Variants in CIRSR observed in about 807,000 individuals in gnomAD.
CIRSR encodes the protein corepressor of RBPJ and splicing regulator, also known as CBF1 (RBPJ) interacting corepressor 1.
the CIRSR span, among the ~76,000 whole-genome samples, chr2:174,356,604 A>AGG: frequency 0.58 from 85,681 of 147,732 alleles, 27,056 homozygotes; most frequent in East Asian, 0.8. Flanking sequence ...GGAGGGAGGG[A>AGG]AGAAGGAAGG....
the CIRSR span, chr2:174,348,934 C>T: frequency 4.8e-5 from 78 of 1,613,834 alleles, no homozygotes; most frequent in African/African-American, 8.0e-5. Context: ...TCTTCAGAAT[C>T]ACTGTTGTTA....
the CIRSR span, among the ~76,000 whole-genome samples, chr2:174,393,997 G>A: frequency 6.6e-6 from 1 of 152,072 alleles, no homozygotes; most frequent in Non-Finnish European, 1.5e-5. Flanking sequence ...CCTCTATCCT[G>A]GGAAAAGTAT....
chr2:174,381,873 G>C, the CIRSR span: 3 of 789,802 alleles, frequency 3.8e-6, no homozygotes, highest in South Asian at 6.0e-5. Flanking sequence ...AGGGAATTAA[G>C]ATAAAATATT....
the CIRSR span, among the ~76,000 whole-genome samples, chr2:174,352,420 CTTTT>C: frequency 2.0e-5 from 3 of 152,220 alleles, no homozygotes; most frequent in South Asian, 6.2e-4. Context: ...GAAAAGTGAG[CTTTT>C]TGTTTCCCAA....
the CIRSR span, among the ~76,000 whole-genome samples, chr2:174,366,319 G>A: frequency 9.9e-5 from 15 of 152,122 alleles, no homozygotes; most frequent in African/African-American, 3.4e-4. Context: ...CAAAACTAAC[G>A]ATATATACCA....
the CIRSR span, chr2:174,351,610 G>T: frequency 6.2e-7 from 1 of 1,604,668 alleles, no homozygotes; most frequent in Non-Finnish European, 8.5e-7. Flanking sequence ...CTGATAAAAA[G>T]ATCATTACCT....
At chr2:174,358,333 G>C in the CIRSR span, 1 of 152,038 alleles carries the variant, frequency 6.6e-6, no homozygotes, top group Non-Finnish European at 1.5e-5. Context: ...TCCACCTCCT[G>C]GGTTCAAGCG....
chr2:174,388,998 A>G, the CIRSR span, among the ~76,000 whole-genome samples: 1,093 of 152,306 alleles, frequency 7.2e-3, 11 homozygotes, highest in African/African-American at 0.025. Context: ...CCCTTCTGCC[A>G]TGATTGTAAG....
At chr2:174,395,660 G>A in the CIRSR span, 3 of 1,614,070 alleles carry the variant, frequency 1.9e-6, no homozygotes, top group Non-Finnish European at 2.5e-6. Flanking sequence ...GGCTAGATCT[G>A]TTAGCAACGT....
chr2:174,381,816 AC>A, the CIRSR span: 3 of 1,396,510 alleles, frequency 2.1e-6, no homozygotes, highest in Middle Eastern at 1.8e-4. Context: ...TTTATGTAGG[AC>A]AAAAAAAAAA....
chr2:174,348,295 A>C, the CIRSR span: 8 of 710,810 alleles, frequency 1.1e-5, no homozygotes, highest in East Asian at 3.2e-5. Context: ...ACTTACAAAT[A>C]TTTGCAAAAT....
At chr2:174,350,941 G>C in the CIRSR span, among the ~76,000 whole-genome samples, 1 of 152,160 alleles carries the variant, frequency 6.6e-6, no homozygotes, top group East Asian at 1.9e-4. Flanking sequence ...ACAGCACTAA[G>C]AGGTTAACAT....
the CIRSR span, among the ~76,000 whole-genome samples, chr2:174,394,774 T>C: frequency 1.3e-5 from 2 of 152,250 alleles, no homozygotes. Flanking sequence ...CACAAGTTTC[T>C]ATGTAGGGGC....
chr2:174,354,397 A>G, the CIRSR span, among the ~76,000 whole-genome samples: 11 of 104,876 alleles, frequency 1.0e-4, no homozygotes, highest in African/African-American at 4.4e-4. Flanking sequence ...ATGTACATAT[A>G]TATTTTATAT....
At chr2:174,360,447 G>C in the CIRSR span, among the ~76,000 whole-genome samples, 1 of 152,170 alleles carries the variant, frequency 6.6e-6, no homozygotes, top group Admixed American at 6.5e-5. Context: ...GTGGAACATG[G>C]GGGTTTGTGT....
the CIRSR span, chr2:174,348,904 T>C: frequency 6.2e-7 from 1 of 1,614,176 alleles, no homozygotes; most frequent in South Asian, 1.1e-5. Context: ...TGAAGCTTTC[T>C]CTTCTTAGAC....
the CIRSR span, among the ~76,000 whole-genome samples, chr2:174,349,338 G>C: frequency 6.6e-6 from 1 of 151,854 alleles, no homozygotes; most frequent in Non-Finnish European, 1.5e-5. Flanking sequence ...AGGCCACGGC[G>C]GGCGGATCAC....
the CIRSR span, among the ~76,000 whole-genome samples, chr2:174,363,501 C>T: frequency 3.4e-3 from 525 of 152,336 alleles, 2 homozygotes; most frequent in African/African-American, 0.012. Flanking sequence ...TTACCTGATA[C>T]ACCATGTCCA....
chr2:174,378,783 G>T, the CIRSR span: 2 of 702,928 alleles, frequency 2.8e-6, no homozygotes, highest in East Asian at 2.6e-5. Context: ...TCATATTTTG[G>T]GAATGGTCTT....
Sources: gnomAD v4.1 joint callset for allele counts (sites outside exome capture counted in the v4.1 genomes callset) on GRCh38, gnomAD v4.1.1 for gene constraint, MANE v1.5 for transcripts, NCBI Gene and HGNC (gene_info 2026-07-23, HGNC 2026-07-21) for gene names.